GNAL: variants seen among roughly 807,000 people sequenced by gnomAD.
GNAL encodes guanine nucleotide-binding protein G(olf) subunit alpha.
GNAL carries 18 observed loss-of-function variants against 55.1 expected under a neutral mutation model. That is an observed-to-expected ratio of 0.33 (90% CI 0.23 to 0.48). GNAL has a LOEUF of 0.48. Ranked by LOEUF, GNAL falls within the 20% of genes least tolerant of loss-of-function variation. The pLI is 0.99. For missense variants in GNAL, 412 were observed against 614.1 expected (o/e 0.67, Z 3.48); for synonymous variants, 253 against 237.0 (o/e 1.07, Z -0.62).
chr18:11,841,748 C>T (rs917382972), intron 5 of GNAL, among the ~76,000 whole-genome samples: 3 of 151,932 alleles, frequency 2.0e-5, no homozygotes, highest in South Asian at 2.1e-4. Context: ...TTCCCAACTG[C>T]GGGGATCCTT....
intron 4 of GNAL, among the ~76,000 whole-genome samples, chr18:11,822,059 T>G (rs1224627385): frequency 6.6e-6 from 1 of 152,222 alleles, no homozygotes; most frequent in African/African-American, 2.4e-5. Context: ...GGAGGTCTTG[T>G]GCGTGCAGAG....
At chr18:11,763,872 TG>T (rs776817716) in intron 4 of GNAL, among the ~76,000 whole-genome samples, 16 of 152,170 alleles carry the variant, frequency 1.1e-4, no homozygotes, top group Non-Finnish European at 2.2e-4. Context: ...GTCATGACCT[TG>T]GCCTGACATT....
chr18:11,830,559 A>G (rs1338038711), intron 5 of GNAL, among the ~76,000 whole-genome samples: 3 of 152,196 alleles, frequency 2.0e-5, no homozygotes, highest in African/African-American at 4.8e-5. Context: ...CAGGCTGCCA[A>G]TTAAGAGAAT....
intron 4 of GNAL, among the ~76,000 whole-genome samples, chr18:11,802,639 C>T (rs1359202153): frequency 6.6e-6 from 1 of 152,184 alleles, no homozygotes; most frequent in African/African-American, 2.4e-5. Flanking sequence ...ATTTCTATAT[C>T]AGGCGTAATT....
intron 6 of GNAL, among the ~76,000 whole-genome samples, chr18:11,864,010 A>G (rs1462355827): frequency 6.6e-6 from 1 of 152,070 alleles, no homozygotes; most frequent in Admixed American, 6.6e-5. Flanking sequence ...CACAGTTATC[A>G]GGTCTCTTGG....
At chr18:11,693,067 A>C (rs2031303541) in intron 1 of GNAL, among the ~76,000 whole-genome samples, 1 of 123,548 alleles carries the variant, frequency 8.1e-6, no homozygotes, top group Non-Finnish European at 1.6e-5. Flanking sequence ...AGAAACTGAC[A>C]AAAAAAAATA....
chr18:11,690,008 ACCGGGGAGCGGTG>A, intron 1 of GNAL, 69 bp downstream of exon 1: 3 of 955,604 alleles, frequency 3.1e-6, no homozygotes, highest in South Asian at 9.7e-5. Context: ...GGCGGCGGGC[ACCGGGGAGCGGTG>A]GCGGGCACCG....
intron 4 of GNAL, among the ~76,000 whole-genome samples, chr18:11,796,591 AAAAAC>A (rs2034393234): frequency 2.0e-5 from 3 of 149,240 alleles, no homozygotes; most frequent in Admixed American, 6.6e-5. Context: ...AAAAAAAAAA[AAAAAC>A]AAAACACGCA....
chr18:11,759,906 T>TA (rs1456905876), intron 4 of GNAL, among the ~76,000 whole-genome samples: 1 of 152,276 alleles, frequency 6.6e-6, no homozygotes, highest in African/African-American at 2.4e-5. Context: ...GTCTTTTTTT[T>TA]AACCAACCAA....
chr18:11,867,499 C>T (rs1335784631), intron 8 of GNAL, among the ~76,000 whole-genome samples: 3 of 151,674 alleles, frequency 2.0e-5, no homozygotes, highest in Non-Finnish European at 4.4e-5. Flanking sequence ...GCCAACATGT[C>T]GAAACTGGGG....
At chr18:11,841,919 T>C (rs570702892) in intron 5 of GNAL, among the ~76,000 whole-genome samples, 1 of 152,162 alleles carries the variant, frequency 6.6e-6, no homozygotes, top group Non-Finnish European at 1.5e-5. Flanking sequence ...AACTGGAAGA[T>C]TGTAGCCCAA....
intron 1 of GNAL, among the ~76,000 whole-genome samples, chr18:11,696,284 T>C (rs962414184): frequency 6.6e-6 from 1 of 151,840 alleles, no homozygotes; most frequent in Non-Finnish European, 1.5e-5. Flanking sequence ...GGGTGGATCA[T>C]GAGGTCAGGA....
intron 1 of GNAL, among the ~76,000 whole-genome samples, chr18:11,741,464 ACTC>A (rs1029936956): frequency 6.6e-6 from 1 of 152,078 alleles, no homozygotes; most frequent in Non-Finnish European, 1.5e-5. Flanking sequence ...AACCACACAA[ACTC>A]CTCTGTGCTC....
At chr18:11,816,680 G>C (rs1023419797) in intron 4 of GNAL, among the ~76,000 whole-genome samples, 2 of 151,946 alleles carry the variant, frequency 1.3e-5, no homozygotes, top group East Asian at 3.9e-4. Context: ...TGGATCTGAT[G>C]GTGGGCACCT....
At chr18:11,793,194 G>A (rs1229316127) in intron 4 of GNAL, among the ~76,000 whole-genome samples, 1 of 149,324 alleles carries the variant, frequency 6.7e-6, no homozygotes, top group Admixed American at 6.6e-5. Context: ...GTGCATCAAA[G>A]GACATAAGAA....
At chr18:11,810,521 G>C (rs928155229) in intron 4 of GNAL, 2 of 152,286 alleles carry the variant, frequency 1.3e-5, no homozygotes, top group Admixed American at 6.5e-5. Flanking sequence ...GGTGTGAGCT[G>C]TTGGTCCCAG....
intron 4 of GNAL, among the ~76,000 whole-genome samples, chr18:11,782,633 A>T (rs1442132302): frequency 6.6e-6 from 1 of 152,170 alleles, no homozygotes; most frequent in African/African-American, 2.4e-5. Context: ...ATCCTGTCTT[A>T]TTAAGGAGAT....
intron 10 of GNAL, among the ~76,000 whole-genome samples, chr18:11,873,436 C>T (rs112914600): frequency 5.4e-4 from 83 of 152,318 alleles, no homozygotes; most frequent in Admixed American, 3.8e-3. Context: ...GAAAAAAATT[C>T]CTACTGCTAC....
At chr18:11,692,336 G>C (rs1477358422) in intron 1 of GNAL, among the ~76,000 whole-genome samples, 1 of 152,138 alleles carries the variant, frequency 6.6e-6, no homozygotes, top group Non-Finnish European at 1.5e-5. Context: ...AATTTCTAAA[G>C]CAAAGGGAAA....
Sources: allele counts gnomAD v4.1 joint callset (sites outside exome capture counted in the v4.1 genomes callset), GRCh38; gene constraint gnomAD v4.1.1; transcripts MANE v1.5; gene names NCBI Gene and HGNC (gene_info 2026-07-23, HGNC 2026-07-21).